DAPK2: variants seen among roughly 807,000 people sequenced by gnomAD.
DAPK2 encodes death-associated protein kinase 2.
A neutral mutation model predicts 44.1 loss-of-function variants in DAPK2; 35 were observed. That is an observed-to-expected ratio of 0.79 (90% CI 0.61 to 1.05). The LOEUF is 1.05. DAPK2 is among the 50% of genes least tolerant of loss of function. The probability of loss-of-function intolerance (pLI) is 0.00; values close to 1 mark genes in which losing one functional copy is unlikely to be tolerated. For synonymous variants in DAPK2, 174 were observed against 182.6 expected (o/e 0.95, Z 0.38); for missense variants, 453 against 483.2 (o/e 0.94, Z 0.59).
chr15:64,011,317 T>TA (rs1164146175), intron 1 of DAPK2, among the ~76,000 whole-genome samples: 1 of 152,154 alleles, frequency 6.6e-6, no homozygotes, highest in East Asian at 1.9e-4. Context: ...CCCAGCATTT[T>TA]AGGAGGCCGA....
chr15:63,908,446 G>A lies in DAPK2; in HGVS notation c.*74C>T, dbSNP rs2078701980. Reference sequence around the variant, plus strand: ...GACGCCCGGGTGCTGGTGCTGAGCTGGGTCCAAAAGTCTGCACAGAAGGGA... The same window carrying A: ...GACGCCCGGGTGCTGGTGCTGAGCTAGGTCCAAAAGTCTGCACAGAAGGGA... On this transcript the variant is annotated 3_prime_UTR_variant, in exon 11 of 11. Transcript: ENST00000261891. The surrounding 1 kb of genome is among the most constrained non-coding windows in gnomAD (Gnocchi z 5.7). 2.0e-6 allele frequency: 2 copies of A among 979,386 alleles called. No individual in the cohort carries two copies. The highest frequency in any genetic ancestry group is 1.7e-5 in the African/African-American group (1 of 59,692). The allele number at this position is 979,386 out of a possible 1,614,324, so 60.7% of individuals were successfully genotyped here.
At chr15:63,952,163 C>T (rs1464330169) in intron 3 of DAPK2, among the ~76,000 whole-genome samples, 1 of 152,112 alleles carries the variant, frequency 6.6e-6, no homozygotes, top group Admixed American at 6.6e-5. Context: ...TCGTTTGAAC[C>T]TGGGAGGCAG....
chr15:64,045,299 T>C (rs566120627), intron 1 of DAPK2, among the ~76,000 whole-genome samples: 2 of 152,230 alleles, frequency 1.3e-5, no homozygotes, highest in South Asian at 4.2e-4. Flanking sequence ...AAAAAACATC[T>C]TGGGAGATGA....
rs1043285606 is a variant in DAPK2 at position 64,010,544 on chromosome 15, C to T, written c.93-26790G>A. Among the ~76,000 whole-genome samples the T allele has an allele frequency of 2.0e-4, 31 of 152,250 alleles. 1 individual carries two copies. The highest frequency in any genetic ancestry group is 7.2e-4 in the African/African-American group (30 of 41,552). ...CTACATTTGTCTCTCAGCCTCAAAC[C>T]AGTTATTTCTCATCACTCCCAAATC... On this transcript the variant is annotated intron_variant, in intron 1 of 10. Transcript: ENST00000261891.
chr15:63,981,287 C>T (rs1210231142), intron 2 of DAPK2, among the ~76,000 whole-genome samples: 1 of 151,938 alleles, frequency 6.6e-6, no homozygotes, highest in East Asian at 1.9e-4. Context: ...GTAGAGAGTC[C>T]CCATTAGCAA....
chr15:64,046,392 ACGGGGGACGCGG>A, upstream of DAPK2: 2 of 289,062 alleles, frequency 6.9e-6, no homozygotes, highest in African/African-American at 2.4e-5. This position sits in a 1 kb window ranked among gnomAD's most constrained non-coding sequence, Gnocchi z 5.3. Context: ...CGCGGCGGGA[ACGGGGGACGCGG>A]CGGGGTGCGC....
intron 8 of DAPK2, chr15:63,918,451 T>TG (rs1282966036): frequency 1.3e-5 from 2 of 152,304 alleles, no homozygotes; most frequent in Non-Finnish European, 2.9e-5. Flanking sequence ...GCTTGCCAGC[T>TG]TCCTTGAGAA....
rs2078820968 is a variant in DAPK2, at chr15:63,912,327, G to A, written c.859-130C>T. ...TGACCCTGGCATCTCCCCGCCAGGT[G>A]GGGCACACCGTGGGAGCATCACAGT... is the stretch of plus-strand genomic sequence containing the variant. On this transcript the variant is annotated intron_variant, in intron 8 of 10. Transcript: ENST00000261891. This position sits in a 1 kb window ranked among gnomAD's most constrained non-coding sequence, Gnocchi z 4.4. The A allele has an allele frequency of 5.0e-6, 4 of 802,602 alleles. No individual in the cohort carries two copies. Among genetic ancestry groups the A allele is most frequent in the East Asian group, 2.6e-5 (1 of 37,804 alleles). 49.7% of individuals were successfully genotyped at this position (802,602 alleles called of 1,614,324 possible). A position where few individuals can be genotyped will look rare whatever the true frequency, so the allele number is the denominator to read the frequency against.
At chr15:63,943,576 T>G (rs1240690463) in intron 3 of DAPK2, among the ~76,000 whole-genome samples, 1 of 152,002 alleles carries the variant, frequency 6.6e-6, no homozygotes, top group Non-Finnish European at 1.5e-5. Flanking sequence ...GGGGTCTTAT[T>G]AATCTAGCCC....
intron 1 of DAPK2, among the ~76,000 whole-genome samples, chr15:63,987,521 C>T (rs1217239515): frequency 6.6e-6 from 1 of 152,174 alleles, no homozygotes; most frequent in Non-Finnish European, 1.5e-5. Flanking sequence ...TATCTCTGCC[C>T]CCCATAGCAA....
intron 1 of DAPK2, among the ~76,000 whole-genome samples, chr15:64,001,706 G>A (rs2140968376): frequency 6.6e-6 from 1 of 152,282 alleles, no homozygotes; most frequent in South Asian, 2.1e-4. Flanking sequence ...ACTCCACCTG[G>A]AAGCTTGTCA....
rs142107329 is a variant in DAPK2, at chr15:64,000,538, T to C, written c.93-16784A>G. ...TCACAAAAATGCAACTAACAGCTGG[T>C]TGGATCAGTAGCCATGTATTCCTTA... On this transcript the variant is annotated intron_variant, in intron 1 of 10. Coordinates refer to ENST00000261891, the Ensembl canonical transcript of DAPK2. 1.4e-4 allele frequency among the ~76,000 whole-genome samples: 21 copies of C among 152,316 alleles called. No homozygotes were observed. In the East Asian group the frequency reaches 3.1e-3, roughly 22 times the overall value.
At chr15:63,987,045 T>C (rs1316479802) in intron 1 of DAPK2, among the ~76,000 whole-genome samples, 1 of 152,238 alleles carries the variant, frequency 6.6e-6, no homozygotes, top group African/African-American at 2.4e-5. Flanking sequence ...TGATTTTTGC[T>C]TGAGGGGTTC....
intron 3 of DAPK2, among the ~76,000 whole-genome samples, chr15:63,950,268 T>C (rs773117091): frequency 2.6e-5 from 4 of 152,110 alleles, no homozygotes; most frequent in Admixed American, 6.6e-5. Context: ...CAAGCTGGAG[T>C]GTGGTGGTGC....
chr15:63,980,790 C>A lies in DAPK2; in HGVS notation c.314+2743G>T, dbSNP rs2078481771. Among the ~76,000 whole-genome samples the A allele has an allele frequency of 1.6e-5, 1 of 61,224 alleles. No homozygotes were observed. Among genetic ancestry groups the A allele is most frequent in the Non-Finnish European group, 5.7e-5 (1 of 17,560 alleles). The allele number at this position is 61,224 out of a possible 152,430, so 40.2% of individuals were successfully genotyped here. A position where few individuals can be genotyped will look rare whatever the true frequency, so the allele number is the denominator to read the frequency against. On this transcript the variant is annotated intron_variant, in intron 2 of 10. Coordinates refer to ENST00000261891, the Ensembl canonical transcript of DAPK2. This position sits in a 1 kb window ranked among gnomAD's most constrained non-coding sequence, Gnocchi z 4.3. Reference sequence around the variant, plus strand: ...AATGCGGCCGTATTAGGCAGTGGGACCTTTAAGACGTGATTGGGTCGGGGT... The same window carrying A: ...AATGCGGCCGTATTAGGCAGTGGGAACTTTAAGACGTGATTGGGTCGGGGT...
chr15:63,972,252 A>C (rs2078233079), intron 2 of DAPK2, among the ~76,000 whole-genome samples: 1 of 152,196 alleles, frequency 6.6e-6, no homozygotes, highest in African/African-American at 2.4e-5. Context: ...GGAAATTGGT[A>C]CCAAGTGTGG....
At chr15:63,919,928 C>T (rs934998891) in intron 8 of DAPK2, 2 of 152,318 alleles carry the variant, frequency 1.3e-5, no homozygotes, top group South Asian at 2.1e-4. Flanking sequence ...TGTCTCAGCA[C>T]CAAACAAGTA....
chr15:63,993,087 C>T (rs11634035), intron 1 of DAPK2, among the ~76,000 whole-genome samples: 38,567 of 152,006 alleles, frequency 0.25, 5,171 homozygotes, highest in South Asian at 0.31. Context: ...CCTCCCTCCC[C>T]ACTTGCCCTC....
chr15:63,956,789 A>T (rs1343742137), intron 3 of DAPK2, among the ~76,000 whole-genome samples: 1 of 152,030 alleles, frequency 6.6e-6, no homozygotes, highest in Non-Finnish European at 1.5e-5. Context: ...GGGTTTCACC[A>T]TGTTAGCCAG....
Sources: allele counts gnomAD v4.1 joint callset (sites outside exome capture counted in the v4.1 genomes callset), GRCh38; gene constraint gnomAD v4.1.1; non-coding constraint Gnocchi (gnomAD v3.1); transcripts MANE v1.5; gene names NCBI Gene and HGNC (gene_info 2026-07-23, HGNC 2026-07-21).